Variants in RHOBTB3 observed in about 807,000 individuals in gnomAD.
RHOBTB3 encodes rho-related BTB domain-containing protein 3.
Under a neutral mutation model 67.2 loss-of-function variants are expected in RHOBTB3, and 47 were observed. The ratio of observed to expected loss-of-function variants is 0.70; its 90% CI spans 0.55 to 0.89. The LOEUF (loss-of-function observed/expected upper bound fraction) is 0.89. Ranked by LOEUF, RHOBTB3 falls within the 40% of genes least tolerant of loss-of-function variation. The pLI, the probability that RHOBTB3 is intolerant of heterozygous loss-of-function variation, is 0.00. For synonymous variants in RHOBTB3, 273 were observed against 274.2 expected (o/e 1.00, Z 0.04); for missense variants, 631 against 750.0 (o/e 0.84, Z 1.85).
Position 95,731,410 on chromosome 5 carries a change from T to C in RHOBTB3, c.-273T>C. Reference sequence around the variant, plus strand: ...GCGGTCAGCTGCGTCCACTTGGGGCTGTGCGGCGGTCCCGCGCCCGGCGAT... The same window carrying C: ...GCGGTCAGCTGCGTCCACTTGGGGCCGTGCGGCGGTCCCGCGCCCGGCGAT... On this transcript the variant is annotated 5_prime_UTR_variant, in exon 1 of 12. Coordinates refer to ENST00000379982, the MANE Select transcript of RHOBTB3 (RefSeq NM_014899.4). 1.7e-6 allele frequency: 2 copies of C among 1,186,936 alleles called. No homozygotes were observed. Among genetic ancestry groups the C allele is most frequent in the Non-Finnish European group, 1.0e-6 (1 of 961,978 alleles). 73.5% of individuals were successfully genotyped at this position (1,186,936 alleles called of 1,614,324 possible). A position where few individuals can be genotyped will look rare whatever the true frequency, so the allele number is the denominator to read the frequency against.
chr5:95,782,809 C>CAAAAAA (rs5869692), intron 9 of RHOBTB3: 10 of 99,136 alleles, frequency 1.0e-4, no homozygotes, highest in South Asian at 3.9e-4. Context: ...GACTCCATCT[C>CAAAAAA]AAAAAAAAAA....
At chr5:95,742,199 G>C (rs1388612710) in intron 3 of RHOBTB3, among the ~76,000 whole-genome samples, 1 of 152,118 alleles carries the variant, frequency 6.6e-6, no homozygotes, top group Non-Finnish European at 1.5e-5. Flanking sequence ...TTACTTCTGC[G>C]CCCTTTAATT....
chr5:95,792,988 T>C (rs1043657933), intron 11 of RHOBTB3, 71 bp from the exon 12 acceptor site: 1 of 1,045,854 alleles, frequency 9.6e-7, no homozygotes, highest in Non-Finnish European at 1.5e-6. Context: ...AAAGAGGAAA[T>C]CAATAGCTGA....
chr5:95,728,659 G>A (rs1755128010), upstream of RHOBTB3, among the ~76,000 whole-genome samples: 1 of 152,154 alleles, frequency 6.6e-6, no homozygotes, highest in African/African-American at 2.4e-5. Flanking sequence ...TAATTAATAT[G>A]TCAGAGGGGT....
intron 8 of RHOBTB3, among the ~76,000 whole-genome samples, chr5:95,777,043 T>C (rs542402226): frequency 6.6e-6 from 1 of 152,326 alleles, no homozygotes; most frequent in East Asian, 1.9e-4. Flanking sequence ...CAAATATATA[T>C]ATTTTCTCTA....
At chr5:95,769,801 C>G (rs769441746) in intron 8 of RHOBTB3, 23 of 208,834 alleles carry the variant, frequency 1.1e-4, no homozygotes, top group Non-Finnish European at 2.0e-4. Flanking sequence ...AGTGCCCAGT[C>G]TATTGTACCT....
intron 8 of RHOBTB3, chr5:95,769,285 G>A: frequency 2.3e-6 from 1 of 436,058 alleles, no homozygotes; most frequent in Non-Finnish European, 4.5e-6. Context: ...TAAGCTTGTT[G>A]CCAGTAACAC....
intron 4 of RHOBTB3, 81 bp from the exon 5 acceptor site, chr5:95,752,158 A>C: frequency 2.5e-6 from 2 of 805,652 alleles, no homozygotes. Context: ...AATGTTTGAC[A>C]ATTGTGACTT....
intron 1 of RHOBTB3, among the ~76,000 whole-genome samples, chr5:95,725,819 T>C (rs529140063): frequency 6.6e-6 from 1 of 152,242 alleles, no homozygotes; most frequent in Non-Finnish European, 1.5e-5. Flanking sequence ...TTTTTTTTTT[T>C]TTTGAATGTT....
Position 95,752,330 on chromosome 5 carries a change from C to A in RHOBTB3, c.662C>A (p.Pro221Gln). The A allele has an allele frequency of 1.2e-6, 2 of 1,601,414 alleles. No individual in the cohort carries two copies. The highest frequency in any genetic ancestry group is 1.7e-5 in the Admixed American group (1 of 57,902). ...AGCAACTCCTTTCATGGAATTAGACCACCTCAACTTGAACAACCAGGTGCA... is the reference window on the plus strand; with the variant it reads ...AGCAACTCCTTTCATGGAATTAGACAACCTCAACTTGAACAACCAGGTGCA... ...KMSNSFHGIR[P>Q]PQLEQPEKMP... The change falls in exon 5 of 12, where the codon CCA (proline) becomes CAA (glutamine). Residue 221 changes from proline (P) to glutamine (Q), a missense_variant. Coordinates refer to ENST00000379982, the MANE Select transcript of RHOBTB3 (RefSeq NM_014899.4).
chr5:95,734,143 A>G (rs564464759), intron 2 of RHOBTB3, among the ~76,000 whole-genome samples: 1 of 152,350 alleles, frequency 6.6e-6, no homozygotes, highest in East Asian at 1.9e-4. Flanking sequence ...TGTATCACTT[A>G]TATTAATACT....
At chr5:95,717,885 G>A (rs1298881298) in intron 1 of RHOBTB3, 1 of 152,112 alleles carries the variant, frequency 6.6e-6, no homozygotes, top group Non-Finnish European at 1.5e-5. Context: ...AGTTAAGCAG[G>A]TATTTGGTTT....
chr5:95,756,767 AT>A (rs1461350699), intron 6 of RHOBTB3, among the ~76,000 whole-genome samples: 4 of 152,206 alleles, frequency 2.6e-5, no homozygotes, highest in African/African-American at 9.6e-5. Context: ...GATATCAAGC[AT>A]CTTTTCATAT....
At chr5:95,730,920 AAG>A (rs977521954), upstream of RHOBTB3, 11 of 458,782 alleles carry the variant, frequency 2.4e-5, no homozygotes, top group African/African-American at 2.0e-4. Context: ...GGTCAAGGCC[AAG>A]AGGGGGGGAA....
intron 5 of RHOBTB3, among the ~76,000 whole-genome samples, chr5:95,753,576 C>CAT (rs987618287): frequency 6.6e-6 from 1 of 151,818 alleles, no homozygotes; most frequent in Non-Finnish European, 1.5e-5. Context: ...ATATAGACCA[C>CAT]ATATATATAT....
chr5:95,741,523 G>GTTTTTTTTTTTTTTTTTTTTTTTTTTTGT, intron 3 of RHOBTB3, among the ~76,000 whole-genome samples: 1 of 84,852 alleles, frequency 1.2e-5, no homozygotes, highest in Non-Finnish European at 2.2e-5. Flanking sequence ...CTTTCTTTCT[G>GTTTTTTTTTTTTTTTTTTTTTTTTTTTGT]TTTTTTTTTT....
At chr5:95,760,102 G>A (rs1439171587) in intron 6 of RHOBTB3, among the ~76,000 whole-genome samples, 3 of 152,056 alleles carry the variant, frequency 2.0e-5, no homozygotes, top group South Asian at 4.1e-4. Flanking sequence ...ACAACAGTCC[G>A]GTTAACATTT....
chr5:95,721,516 G>T (rs1754875678), intron 1 of RHOBTB3, among the ~76,000 whole-genome samples: 2 of 152,048 alleles, frequency 1.3e-5, no homozygotes, highest in African/African-American at 4.8e-5. Flanking sequence ...AATATAGCCA[G>T]GGGAAAGAAA....
Position 95,788,837 on chromosome 5 carries a change from C to A in RHOBTB3, c.1699C>A (p.Pro567Thr). The stretch of plus-strand genomic sequence containing the variant: ...TAACTACCTCATCTTCAGTCAAAAG[C>A]CTGAATTTCAGGATCTTTCAGGTAG... The part of the protein sequence containing the change: ...ATNYLIFSQK[P>T]EFQDLSVEER... The change falls in exon 11 of 12, where the codon CCT (proline) becomes ACT (threonine). Residue 567 changes from proline (P) to threonine (T), a missense_variant. Pro to Thr is a conservative substitution (Grantham distance 38). Coordinates refer to ENST00000379982, the MANE Select transcript of RHOBTB3 (RefSeq NM_014899.4). 1.3e-6 allele frequency: 2 copies of A among 1,559,412 alleles called. No individual in the cohort carries two copies. Among genetic ancestry groups the A allele is most frequent in the South Asian group, 1.3e-5 (1 of 79,976 alleles).
Sources: allele counts gnomAD v4.1 joint callset (sites outside exome capture counted in the v4.1 genomes callset), GRCh38; gene constraint gnomAD v4.1.1; transcripts MANE v1.5; gene names NCBI Gene and HGNC (gene_info 2026-07-23, HGNC 2026-07-21).